The following NFIA variants were observed in gnomAD, a reference collection of about 807,000 sequenced individuals.
The protein encoded by NFIA is nuclear factor 1 A-type.
A neutral mutation model predicts 62.8 loss-of-function variants in NFIA; 8 were observed. The observed-to-expected ratio is 0.13, with a 90% CI of 0.07 to 0.23. The LOEUF (loss-of-function observed/expected upper bound fraction) is 0.23, where lower values mean the gene tolerates loss of function less well. Ranked by LOEUF, NFIA falls within the 10% of genes least tolerant of loss-of-function variation. The pLI, the probability that NFIA is intolerant of heterozygous loss-of-function variation, is 1.00. For missense variants in NFIA, 410 were observed against 642.1 expected, an observed-to-expected ratio of 0.64 and a Z score of 3.91; for synonymous variants, 235 against 238.1, an observed-to-expected ratio of 0.99 and a Z score of 0.12.
chr1:61,111,015 G>T (rs1044707570), intron 2 of NFIA, among the ~76,000 whole-genome samples: 4 of 151,954 alleles, frequency 2.6e-5, no homozygotes, highest in African/African-American at 9.7e-5. Flanking sequence ...AATAAGTAGA[G>T]GCTCTCTGAC....
chr1:61,239,959 GC>G (rs1462142443), intron 2 of NFIA, among the ~76,000 whole-genome samples: 1 of 152,078 alleles, frequency 6.6e-6, no homozygotes, highest in African/African-American at 2.4e-5. Flanking sequence ...GATCGATAGA[GC>G]AATTTATCAA....
At chr1:61,206,915 G>A (rs1652932921) in intron 2 of NFIA, among the ~76,000 whole-genome samples, 1 of 152,118 alleles carries the variant, frequency 6.6e-6, no homozygotes, top group Non-Finnish European at 1.5e-5. Context: ...CAACATACCT[G>A]TTATTCTGAA....
At chr1:61,234,672 A>G (rs995487153) in intron 2 of NFIA, among the ~76,000 whole-genome samples, 4 of 152,142 alleles carry the variant, frequency 2.6e-5, no homozygotes, top group Admixed American at 2.6e-4. Context: ...TTTAGGCAAA[A>G]AAAAGGTTGT....
At chr1:61,416,263 A>G (rs1177151016) in intron 9 of NFIA, among the ~76,000 whole-genome samples, 2 of 152,164 alleles carry the variant, frequency 1.3e-5, no homozygotes, top group Non-Finnish European at 2.9e-5. Flanking sequence ...TTTATTCTTA[A>G]AAATATTTGT....
intron 2 of NFIA, among the ~76,000 whole-genome samples, chr1:61,126,462 A>ACACACACACACACACACTCACACACACT (rs35045816): frequency 6.9e-6 from 1 of 145,820 alleles, no homozygotes; most frequent in Non-Finnish European, 1.5e-5. Flanking sequence ...ACACACACAC[A>ACACACACACACACACACTCACACACACT]CACACACACA....
intron 6 of NFIA, among the ~76,000 whole-genome samples, chr1:61,376,355 T>C (rs990508764): frequency 3.3e-5 from 5 of 152,188 alleles, no homozygotes; most frequent in Non-Finnish European, 7.3e-5. Flanking sequence ...GGAGGCTTTA[T>C]AGAAAAAGCA....
chr1:61,217,068 T>C lies in NFIA; in HGVS notation c.560-60452T>C, dbSNP rs553746856. Among the ~76,000 whole-genome samples, 70 of 151,204 alleles carry C rather than the reference T, an allele frequency of 4.6e-4. 1 individual carries two copies. The South Asian group carries it at 0.011, about 23-fold the overall frequency. ...ACTTTTTTTTTTCTTTTTTCTTTTT[T>C]TTTTTTGAGATGGAGTTTCACTCTG... On this transcript the variant is annotated intron_variant, in intron 2 of 10. Coordinates refer to ENST00000403491, the MANE Select transcript of NFIA (RefSeq NM_001134673.4).
intron 2 of NFIA, among the ~76,000 whole-genome samples, chr1:61,110,255 CTTT>C (rs34192655): frequency 1.4e-5 from 2 of 143,762 alleles, no homozygotes; most frequent in Non-Finnish European, 3.1e-5. Context: ...TACTTGTTCA[CTTT>C]TTTTTTTTTT....
intron 6 of NFIA, among the ~76,000 whole-genome samples, chr1:61,377,698 A>G (rs1664218137): frequency 6.6e-6 from 1 of 152,222 alleles, no homozygotes; most frequent in Admixed American, 6.5e-5. Context: ...ACTTTGAAGA[A>G]AAGAACATAC....
At chr1:61,347,697 C>T (rs1662316642) in intron 4 of NFIA, among the ~76,000 whole-genome samples, 1 of 152,148 alleles carries the variant, frequency 6.6e-6, no homozygotes, top group Non-Finnish European at 1.5e-5. Context: ...TGAAATTTAG[C>T]ATGTTCGGCA....
intron 2 of NFIA, among the ~76,000 whole-genome samples, chr1:61,197,821 A>T (rs1652138426): frequency 6.6e-6 from 1 of 151,840 alleles, no homozygotes; most frequent in Admixed American, 6.6e-5. Flanking sequence ...CTCTACTAAA[A>T]ATACAAAAAA....
At chr1:61,298,883 G>A (rs558888598) in intron 3 of NFIA, among the ~76,000 whole-genome samples, 2 of 152,026 alleles carry the variant, frequency 1.3e-5, no homozygotes, top group Non-Finnish European at 2.9e-5. Flanking sequence ...GAAACGTCCC[G>A]GTGTTTCAAA....
chr1:61,214,040 G>C (rs1653443918), intron 2 of NFIA, among the ~76,000 whole-genome samples: 1 of 152,196 alleles, frequency 6.6e-6, no homozygotes, highest in South Asian at 2.1e-4. Context: ...GTTTGAAAGT[G>C]CTCCCCAGTC....
rs540851097 is a variant in NFIA at position 61,355,127 on chromosome 1, A to C, written c.818+2560A>C. Among the ~76,000 whole-genome samples the C allele has an allele frequency of 1.9e-4, 29 of 152,276 alleles. 1 individual carries two copies. Among genetic ancestry groups the C allele is most frequent in the African/African-American group, 6.3e-4 (26 of 41,574 alleles). On this transcript the variant is annotated intron_variant, in intron 5 of 10. Coordinates refer to ENST00000403491, the MANE Select transcript of NFIA (RefSeq NM_001134673.4). ...GGGTAATACTTTTACCTTATTTTTT[A>C]GATATAATTGCTAGAAATACAAGAA...
chr1:61,388,100 T>C (rs1156658917), intron 7 of NFIA, among the ~76,000 whole-genome samples: 1 of 152,224 alleles, frequency 6.6e-6, no homozygotes, highest in Non-Finnish European at 1.5e-5. Flanking sequence ...TCGCCTCAGT[T>C]TGGCCATCTG....
At chr1:61,412,666 C>T (rs1009315793) in intron 9 of NFIA, among the ~76,000 whole-genome samples, 3 of 152,164 alleles carry the variant, frequency 2.0e-5, no homozygotes, top group African/African-American at 7.2e-5. Flanking sequence ...TACTGCTGGA[C>T]TTATCATAAT....
At chr1:61,258,113 C>T (rs1289232790) in intron 2 of NFIA, among the ~76,000 whole-genome samples, 2 of 151,992 alleles carry the variant, frequency 1.3e-5, no homozygotes, top group African/African-American at 2.4e-5. Flanking sequence ...TCTGAATATA[C>T]CTGTAGTATG....
At chr1:61,077,492 T>A (rs1646046462), upstream of NFIA, 4 of 831,000 alleles carry the variant, frequency 4.8e-6, no homozygotes, top group African/African-American at 1.8e-5. Context: ...AACAGCTTTT[T>A]AAAAAATCTC....
upstream of NFIA, chr1:61,081,706 C>A: frequency 1.7e-6 from 1 of 605,334 alleles, no homozygotes; most frequent in Non-Finnish European, 2.8e-6. Flanking sequence ...CAGACCCCCG[C>A]CCCCCAAATC....
Sources: gnomAD v4.1 joint callset for allele counts (sites outside exome capture counted in the v4.1 genomes callset) on GRCh38, gnomAD v4.1.1 for gene constraint, MANE v1.5 for transcripts, NCBI Gene and HGNC (gene_info 2026-07-23, HGNC 2026-07-21) for gene names.